Variants in IPO5 observed in about 807,000 individuals in gnomAD.
The protein encoded by IPO5 is importin 5.
In IPO5, 18 loss-of-function variants were observed where a neutral mutation model predicts 143.3. The ratio of observed to expected loss-of-function variants is 0.13; its 90% CI spans 0.09 to 0.19. IPO5 has a LOEUF of 0.19. Ranked by LOEUF, IPO5 falls within the 10% of genes least tolerant of loss-of-function variation. The pLI, the probability that IPO5 is intolerant of heterozygous loss-of-function variation, is 1.00. For missense variants in IPO5, 1,013 were observed against 1,336.9 expected, an observed-to-expected ratio of 0.76 and a Z score of 3.78; for synonymous variants, 477 against 465.7, an observed-to-expected ratio of 1.02 and a Z score of -0.31.
intron 6 of IPO5, among the ~76,000 whole-genome samples, chr13:97,986,350 GTA>G (rs1165809321): frequency 3.3e-5 from 5 of 150,246 alleles, no homozygotes; most frequent in Non-Finnish European, 5.9e-5. Context: ...GCTATACTAT[GTA>G]TATATATATT....
chr13:98,016,754 C>A lies in IPO5; in HGVS notation c.2519C>A (p.Thr840Asn). The change falls in exon 25 of 29, where the codon ACC becomes AAC. Residue 840 changes from threonine (T) to asparagine (N), a missense_variant. Thr to Asn is a moderately conservative substitution (Grantham distance 65, BLOSUM62 0). This residue lies in a region of IPO5 where 685 missense variants were observed against 994.9 expected (regional missense o/e 0.69). Coordinates refer to ENST00000651721, the MANE Select transcript of IPO5 (RefSeq NM_002271.6). ...GATGATAATGATGTTTATATTCTGA[C>A]CAAAGTGTCAGATATTTTACACTCA... ...DEDDNDVYIL[T>N]KVSDILHSIF... 6.7e-7 allele frequency: 1 copy of A among 1,500,308 alleles called. No homozygotes were observed. Among genetic ancestry groups the A allele is most frequent in the Admixed American group, 2.0e-5 (1 of 49,424 alleles). The allele number at this position is 1,500,308 out of a possible 1,614,324, so 92.9% of individuals were successfully genotyped here. A position where few individuals can be genotyped will look rare whatever the true frequency, so the allele number is the denominator to read the frequency against.
rs1464490496 is a variant in IPO5 at position 97,985,416 on chromosome 13, T to C, written c.172-5T>C. On this transcript the variant is annotated splice_region_variant and splice_polypyrimidine_tract_variant and intron_variant, in intron 5 of 28. Coordinates refer to ENST00000651721, the MANE Select transcript of IPO5 (RefSeq NM_002271.6). The stretch of plus-strand genomic sequence containing the variant: ...CTAGTTATTAACAATGTTATCTGTT[T>C]ATAGGCTAGACAAATGGCCGCCGTT... 1 of 1,610,328 alleles carries C rather than the reference T, an allele frequency of 6.2e-7. No homozygotes were observed. Among genetic ancestry groups the C allele is most frequent in the South Asian group, 1.1e-5 (1 of 91,010 alleles).
At chr13:97,970,545 C>T (rs1187498760) in intron 3 of IPO5, among the ~76,000 whole-genome samples, 4 of 151,986 alleles carry the variant, frequency 2.6e-5, no homozygotes, top group African/African-American at 7.3e-5. Context: ...CGCTTGAACC[C>T]GGGAGGCAGA....
chr13:97,973,493 C>T (rs1886003825), intron 3 of IPO5, among the ~76,000 whole-genome samples: 1 of 152,174 alleles, frequency 6.6e-6, no homozygotes, highest in Non-Finnish European at 1.5e-5. Context: ...AATACAGTCC[C>T]CACTTAGGAG....
intron 16 of IPO5, among the ~76,000 whole-genome samples, chr13:98,005,750 G>A (rs538098560): frequency 1.3e-5 from 2 of 152,122 alleles, no homozygotes; most frequent in South Asian, 4.1e-4. Context: ...GACGTAGTAA[G>A]ACAGCACAAA....
chr13:97,972,522 T>G (rs1181549897), intron 3 of IPO5, among the ~76,000 whole-genome samples: 1 of 152,218 alleles, frequency 6.6e-6, no homozygotes, highest in Non-Finnish European at 1.5e-5. Flanking sequence ...GAGACTTTGT[T>G]TTCTTTCCCC....
chr13:97,991,427 G>A (rs887175360), intron 9 of IPO5, among the ~76,000 whole-genome samples: 1 of 152,150 alleles, frequency 6.6e-6, no homozygotes, highest in African/African-American at 2.4e-5. Flanking sequence ...GTTCCCATTA[G>A]AATTGGTGAT....
intron 2 of IPO5, among the ~76,000 whole-genome samples, chr13:97,967,538 A>T (rs1387066800): frequency 6.6e-6 from 1 of 152,176 alleles, no homozygotes; most frequent in Non-Finnish European, 1.5e-5. Context: ...TGATAAGGAC[A>T]GCTCTAAGTG....
At chr13:97,973,398 T>C (rs1347322704) in intron 3 of IPO5, among the ~76,000 whole-genome samples, 1 of 152,180 alleles carries the variant, frequency 6.6e-6, no homozygotes, top group African/African-American at 2.4e-5. Context: ...GGACACTGTC[T>C]ATGGGAAATG....
At chr13:98,006,374 T>TTA in intron 17 of IPO5, 26 bp downstream of exon 17, 1 of 1,202,582 alleles carries the variant, frequency 8.3e-7, no homozygotes, top group Non-Finnish European at 1.1e-6. Flanking sequence ...TTTTTTTTTT[T>TTA]TTTTTTTTTT....
At chr13:97,994,691 G>A (rs2139717006) in intron 11 of IPO5, among the ~76,000 whole-genome samples, 1 of 152,310 alleles carries the variant, frequency 6.6e-6, no homozygotes, top group South Asian at 2.1e-4. Context: ...ATAAAGTGGA[G>A]ATCTTGTTTC....
intron 3 of IPO5, among the ~76,000 whole-genome samples, chr13:97,974,730 G>T (rs1478143924): frequency 1.3e-5 from 2 of 148,224 alleles, no homozygotes; most frequent in Non-Finnish European, 3.0e-5. Flanking sequence ...CTGCCCCAAA[G>T]TAATGTGCAT....
In IPO5 at chr13:98,002,734, A is replaced by G; in HGVS notation, c.1284A>G (p.Thr428=). 6.2e-7 allele frequency: 1 copy of G among 1,612,626 alleles called. No homozygotes were observed. Among genetic ancestry groups the G allele is most frequent in the Admixed American group, 1.7e-5 (1 of 59,614 alleles). Residue 428 remains threonine (T), a synonymous_variant, in exon 15 of 29, where the codon ACA becomes ACG. Coordinates refer to ENST00000651721, the MANE Select transcript of IPO5 (RefSeq NM_002271.6). ...GTAATGCCGTGGGACAGATGGCTAC[A>G]GATTTTGCACCTGGTTTCCAAAAGA... ...AACNAVGQMA[T]DFAPGFQKKF...
At chr13:97,980,177 A>G (rs957071558) in intron 4 of IPO5, among the ~76,000 whole-genome samples, 3 of 152,234 alleles carry the variant, frequency 2.0e-5, no homozygotes, top group Non-Finnish European at 4.4e-5. Context: ...CTAATATGCT[A>G]CGTACTTAGA....
chr13:97,986,779 G>A (rs952080341), intron 6 of IPO5, among the ~76,000 whole-genome samples: 15 of 152,122 alleles, frequency 9.9e-5, no homozygotes, highest in African/African-American at 3.6e-4. Flanking sequence ...TAATGTAATT[G>A]AACATGCTAC....
chr13:98,005,079 T>C (rs1355512755), intron 16 of IPO5, among the ~76,000 whole-genome samples: 1 of 151,660 alleles, frequency 6.6e-6, no homozygotes, highest in Non-Finnish European at 1.5e-5. Flanking sequence ...GTATTTTGAG[T>C]GGAGACAGGG....
At chr13:97,984,217 ATCC>A (rs1385521074) in intron 5 of IPO5, among the ~76,000 whole-genome samples, 1 of 151,664 alleles carries the variant, frequency 6.6e-6, no homozygotes, top group African/African-American at 2.4e-5. Flanking sequence ...TGACCTCGTG[ATCC>A]GCCCGCCTCG....
At chr13:97,999,974 G>A (rs144762420) in intron 12 of IPO5, among the ~76,000 whole-genome samples, 1 of 152,270 alleles carries the variant, frequency 6.6e-6, no homozygotes. Context: ...CCAGTAGCGG[G>A]TGGGGGTGGT....
chr13:97,976,709 G>T lies in IPO5; in HGVS notation c.13G>T (p.Ala5Ser). ...CACGCCTAGCGCAATGGCGGCGGCC[G>T]CGGCGGAGCAGCAACAGTTCTACCT... MAAA[A>S]AEQQQFYLLL... is the part of the protein sequence containing the mutation. The change falls in exon 4 of 29, where the codon GCG becomes TCG. Residue 5 changes from alanine to serine, a missense_variant. Physicochemically the swap from Ala to Ser is moderately conservative, Grantham distance 99. Transcript: ENST00000651721. The T allele has an allele frequency of 7.2e-7, 1 of 1,380,854 alleles. No homozygotes were observed. The highest frequency in any genetic ancestry group is 1.2e-5 in the South Asian group (1 of 80,738). The allele number at this position is 1,380,854 out of a possible 1,614,324, so 85.5% of individuals were successfully genotyped here.
Sources: gnomAD v4.1 joint callset for allele counts (sites outside exome capture counted in the v4.1 genomes callset) on GRCh38, gnomAD v4.1.1 for gene constraint, gnomAD v4.1.1 regional missense constraint, MANE v1.5 for transcripts, NCBI Gene and HGNC (gene_info 2026-07-23, HGNC 2026-07-21) for gene names.